The following NDUFAF6 variants were observed in gnomAD, a reference collection of about 807,000 sequenced individuals.
The protein encoded by NDUFAF6 is NADH:ubiquinone oxidoreductase complex assembly factor 6.
NDUFAF6 carries 45 observed loss-of-function variants against 40.8 expected under a neutral mutation model. The observed-to-expected ratio is 1.10, with a 90% CI of 0.87 to 1.42. The LOEUF is 1.42. Ranked by LOEUF, NDUFAF6 falls within the 40% of genes most tolerant of loss-of-function variation. The pLI is 0.00. For missense variants in NDUFAF6, 435 were observed against 418.5 expected (o/e 1.04, Z -0.34); for synonymous variants, 185 against 155.9 (o/e 1.19, Z -1.39).
chr8:94,963,663 G>T (rs1823781701), intron 1 of NDUFAF6, among the ~76,000 whole-genome samples: 1 of 152,198 alleles, frequency 6.6e-6, no homozygotes, highest in Non-Finnish European at 1.5e-5. Context: ...AACCCAAGCT[G>T]CCTGCAGAGC....
chr8:95,053,232 AAG>A (rs372381100), intron 8 of NDUFAF6, among the ~76,000 whole-genome samples: 4 of 152,216 alleles, frequency 2.6e-5, no homozygotes, highest in African/African-American at 9.7e-5. Context: ...TTCGTAGTGT[AAG>A]AGAATACAAA....
intron 1 of NDUFAF6, among the ~76,000 whole-genome samples, chr8:94,970,551 A>G (rs149761004): frequency 6.6e-6 from 1 of 152,246 alleles, no homozygotes; most frequent in African/African-American, 2.4e-5. Context: ...TGATCTTGCC[A>G]TTGCACTCCC....
At chr8:94,957,973 A>G (rs144323622), upstream of NDUFAF6, 10 of 152,420 alleles carry the variant, frequency 6.6e-5, no homozygotes, top group Admixed American at 3.3e-4. Flanking sequence ...AACAAACCCT[A>G]TGTCTCGTTT....
chr8:94,967,017 A>G (rs1362163160), intron 1 of NDUFAF6, among the ~76,000 whole-genome samples: 1 of 152,184 alleles, frequency 6.6e-6, no homozygotes, highest in Non-Finnish European at 1.5e-5. Flanking sequence ...TTGGTAAGGA[A>G]TGAAAGGAAT....
At chr8:94,904,558 A>C (rs1333299334) in intron 1 of NDUFAF6, among the ~76,000 whole-genome samples, 1 of 151,288 alleles carries the variant, frequency 6.6e-6, no homozygotes, top group Non-Finnish European at 1.5e-5. Flanking sequence ...TTTGCCTGTC[A>C]CTTCTCTAAT....
intron 1 of NDUFAF6, among the ~76,000 whole-genome samples, chr8:94,922,930 G>A (rs1348493091): frequency 3.9e-5 from 6 of 152,122 alleles, no homozygotes; most frequent in Admixed American, 3.3e-4. Context: ...ACTTGAGCTC[G>A]TACCCCCTCC....
chr8:94,981,095 T>C (rs1825406217), intron 2 of NDUFAF6: 2 of 408,218 alleles, frequency 4.9e-6, no homozygotes, highest in Non-Finnish European at 5.0e-6. Context: ...AGGCTTGGAC[T>C]CCAGTGTGAC....
chr8:94,915,510 G>A (rs1372429543), intron 1 of NDUFAF6, among the ~76,000 whole-genome samples: 1 of 152,198 alleles, frequency 6.6e-6, no homozygotes, highest in Non-Finnish European at 1.5e-5. Context: ...TTGCTGTTGT[G>A]TATAGTGCTG....
intron 9 of NDUFAF6, chr8:95,068,767 T>G (rs1832761281): frequency 6.6e-6 from 1 of 151,912 alleles, no homozygotes; most frequent in African/African-American, 2.4e-5. Context: ...CTGTCATCTC[T>G]CCTTCCATTC....
At chr8:94,950,962 A>G (rs1162182155) in intron 2 of NDUFAF6, 2 of 152,210 alleles carry the variant, frequency 1.3e-5, no homozygotes, top group Admixed American at 1.3e-4. Flanking sequence ...TTTTCCAAAG[A>G]TGACCACAAC....
At chr8:94,917,316 C>A (rs1432970768) in intron 1 of NDUFAF6, among the ~76,000 whole-genome samples, 3 of 152,156 alleles carry the variant, frequency 2.0e-5, no homozygotes, top group Non-Finnish European at 2.9e-5. Flanking sequence ...TTTGCATTAA[C>A]CTCAAATCAG....
At chr8:94,942,188 C>T (rs1261247162) in intron 1 of NDUFAF6, among the ~76,000 whole-genome samples, 1 of 152,072 alleles carries the variant, frequency 6.6e-6, no homozygotes, top group Non-Finnish European at 1.5e-5. Context: ...AGGCGCCCAC[C>T]ACCACATCCG....
downstream of NDUFAF6, among the ~76,000 whole-genome samples, chr8:95,062,107 AGCAAGATCGCGCCACTGCACT>A (rs1343024542): frequency 6.6e-6 from 1 of 151,708 alleles, no homozygotes; most frequent in Non-Finnish European, 1.5e-5. Flanking sequence ...CAGTGAGCCA[AGCAAGATCGCGCCACTGCACT>A]GCAGCCTGGG....
upstream of NDUFAF6, among the ~76,000 whole-genome samples, chr8:94,953,300 C>T (rs534492262): frequency 1.3e-5 from 2 of 151,380 alleles, no homozygotes; most frequent in Non-Finnish European, 2.9e-5. Flanking sequence ...GAGCCGAGAT[C>T]GCACCATTGC....
intron 2 of NDUFAF6, among the ~76,000 whole-genome samples, chr8:94,994,794 T>A (rs1376410102): frequency 1.3e-5 from 2 of 152,152 alleles, no homozygotes; most frequent in African/African-American, 4.8e-5. Context: ...CATATGCCAT[T>A]GCACTCTAGC....
At chr8:95,034,092 G>C (rs1241851674) in intron 2 of NDUFAF6, 1 of 457,644 alleles carries the variant, frequency 2.2e-6, no homozygotes, top group Non-Finnish European at 4.4e-6. Flanking sequence ...CCACCACCAG[G>C]ATATTTGGAA....
At chr8:94,962,420 G>C (rs1394461957) in intron 1 of NDUFAF6, among the ~76,000 whole-genome samples, 1 of 152,146 alleles carries the variant, frequency 6.6e-6, no homozygotes, top group African/African-American at 2.4e-5. Flanking sequence ...AGCCTCCCAA[G>C]TAGCTAGGAT....
chr8:95,084,754 C>T (rs556578537), intron 2 of NDUFAF6, among the ~76,000 whole-genome samples: 8 of 152,294 alleles, frequency 5.3e-5, no homozygotes, highest in African/African-American at 1.9e-4. Context: ...CCTACCTAGA[C>T]AGGGAGGTTC....
intron 3 of NDUFAF6, among the ~76,000 whole-genome samples, chr8:95,040,232 T>G (rs1321700742): frequency 6.6e-6 from 1 of 152,224 alleles, no homozygotes. Context: ...CATGATTAGA[T>G]TGAAGTTATG....
Sources: allele counts gnomAD v4.1 joint callset (sites outside exome capture counted in the v4.1 genomes callset), GRCh38; gene constraint gnomAD v4.1.1; transcripts MANE v1.5; gene names NCBI Gene and HGNC (gene_info 2026-07-23, HGNC 2026-07-21).